Variants in PRH1 observed in about 807,000 individuals in gnomAD.
PRH1 encodes salivary acidic proline-rich phosphoprotein 1/2.
A neutral mutation model predicts 7.9 loss-of-function variants in PRH1; 7 were observed. That is an observed-to-expected ratio of 0.89 (90% CI 0.50 to 1.67). The LOEUF is 1.67. PRH1 is among the 40% of genes most tolerant of loss of function. PRH1 has a pLI of 0.00. For synonymous variants in PRH1, 45 were observed against 80.8 expected (o/e 0.56, Z 2.38); for missense variants, 109 against 223.6 (o/e 0.49, Z 3.27).
chr12:11,117,159 T>C (rs1945754297), downstream of PRH1, among the ~76,000 whole-genome samples: 1 of 152,224 alleles, frequency 6.6e-6, no homozygotes, highest in Non-Finnish European at 1.5e-5. Context: ...ATCTTATATT[T>C]GTAAAACCTG....
At chr12:11,124,690 T>A (rs2600367) in intron 1 of PRH1, among the ~76,000 whole-genome samples, 57,662 of 147,722 alleles carry the variant, frequency 0.39, 7,185 homozygotes, top group Non-Finnish European at 0.44. Context: ...AATAAATCAT[T>A]TAATAAGATA....
rs141685387 is a variant in PRH1 at position 11,156,844 on chromosome 12, ATT to A, written n.39+14576_39+14577del. Reference sequence around the variant, plus strand: ...CACACTTTGGTCAAAGAAAACACCAATTTTTTTTTTTTTTTTTTTTAGACGCA... The same window carrying A: ...CACACTTTGGTCAAAGAAAACACCAATTTTTTTTTTTTTTTTTTAGACGCA... On this transcript the variant is annotated intron_variant and non_coding_transcript_variant, in intron 1 of 1. Transcript: ENST00000541175. Among the ~76,000 whole-genome samples the A allele has an allele frequency of 1.2e-3, 161 of 139,078 alleles. 1 individual carries two copies. Among genetic ancestry groups the A allele is most frequent in the Middle Eastern group, 3.8e-3 (1 of 266 alleles). The allele number at this position is 139,078 out of a possible 152,430, so 91.2% of individuals were successfully genotyped here.
At chr12:11,050,046 A>G (rs1004287067), upstream of PRH1, among the ~76,000 whole-genome samples, 1 of 152,166 alleles carries the variant, frequency 6.6e-6, no homozygotes, top group Non-Finnish European at 1.5e-5. Flanking sequence ...ACAATGAATA[A>G]TATTTATCAA....
intron 1 of PRH1, among the ~76,000 whole-genome samples, chr12:11,038,321 A>G (rs1407257967): frequency 1.3e-5 from 2 of 152,270 alleles, no homozygotes; most frequent in African/African-American, 2.4e-5. Context: ...GCAAGAAAAA[A>G]GAATTTGCCA....
chr12:10,985,818 A>T (rs2135980509), intron 1 of PRH1: 1 of 940,668 alleles, frequency 1.1e-6, no homozygotes, highest in East Asian at 2.5e-5. Context: ...GTATGCTTTC[A>T]GAAAATACTC....
intron 1 of PRH1, among the ~76,000 whole-genome samples, chr12:11,112,560 T>G (rs896516325): frequency 6.6e-6 from 1 of 152,140 alleles, no homozygotes; most frequent in Non-Finnish European, 1.5e-5. Flanking sequence ...AACCACATGA[T>G]TATCTCAACA....
intron 1 of PRH1, among the ~76,000 whole-genome samples, chr12:11,017,091 C>T (rs1419572643): frequency 6.6e-6 from 1 of 152,276 alleles, no homozygotes; most frequent in African/African-American, 2.4e-5. Context: ...CAGAGCAGAG[C>T]TCCTGGCAGT....
chr12:10,977,531 T>TA (rs1393803092), intron 1 of PRH1, among the ~76,000 whole-genome samples: 22 of 152,060 alleles, frequency 1.4e-4, no homozygotes. Context: ...TCACCACTCT[T>TA]AATCAATTAC....
intron 1 of PRH1, chr12:10,997,792 T>G (rs780976599): frequency 1.9e-6 from 3 of 1,613,714 alleles, no homozygotes; most frequent in Non-Finnish European, 2.5e-6. Flanking sequence ...AATTTATCAG[T>G]GCTATAAAGC....
chr12:11,088,348 T>C (rs1345911667), intron 1 of PRH1, among the ~76,000 whole-genome samples: 1 of 103,800 alleles, frequency 9.6e-6, no homozygotes, highest in African/African-American at 3.3e-5. Context: ...CTCAAAATAA[T>C]AGCAATAATA....
rs187883117 is a variant in PRH1, at chr12:11,097,460, A to G, written n.124-50272T>C. Among the ~76,000 whole-genome samples the G allele has an allele frequency of 1.6e-3, 187 of 114,734 alleles. 46 individuals carry two copies. The highest frequency in any genetic ancestry group is 5.2e-3 in the African/African-American group (180 of 34,492). 75.3% of individuals were successfully genotyped at this position (114,734 alleles called of 152,430 possible). A position where few individuals can be genotyped will look rare whatever the true frequency, so the allele number is the denominator to read the frequency against. ...ATTTGCTGTATCTTTCTTATTAAGG[A>G]ATTTTATTTACACGAAAATTAAATT... On this transcript the variant is annotated intron_variant and non_coding_transcript_variant, in intron 1 of 4. Transcript: ENST00000541977.
chr12:10,971,215 A>G (rs546279315), intron 2 of PRH1, among the ~76,000 whole-genome samples: 3 of 152,282 alleles, frequency 2.0e-5, no homozygotes, highest in African/African-American at 4.8e-5. Context: ...TACTATCCAT[A>G]TTGTTGTAAT....
chr12:10,953,006 C>G (rs1193278403), intron 2 of PRH1, among the ~76,000 whole-genome samples: 1 of 152,082 alleles, frequency 6.6e-6, no homozygotes, highest in African/African-American at 2.4e-5. Context: ...GTGTCCAAAA[C>G]TAGACCCCAG....
intron 2 of PRH1, among the ~76,000 whole-genome samples, chr12:10,955,618 T>A (rs191957662): frequency 6.2e-4 from 94 of 151,096 alleles, no homozygotes; most frequent in African/African-American, 2.2e-3. Flanking sequence ...AAAAAAAACA[T>A]ACAAAAGGTC....
At chr12:10,895,930 T>C (rs1322293023) in intron 2 of PRH1, 1 of 152,226 alleles carries the variant, frequency 6.6e-6, no homozygotes, top group East Asian at 1.9e-4. Flanking sequence ...GGCTGATTGA[T>C]CCTAGCTGCA....
chr12:10,958,250 A>T (rs1012795556), intron 2 of PRH1, among the ~76,000 whole-genome samples: 2 of 152,048 alleles, frequency 1.3e-5, no homozygotes, highest in African/African-American at 4.8e-5. Flanking sequence ...AAACAAGATG[A>T]TGTAGCAATA....
chr12:11,149,804 A>C (rs1236462421), intron 1 of PRH1, among the ~76,000 whole-genome samples: 141 of 135,734 alleles, frequency 1.0e-3, no homozygotes, highest in African/African-American at 3.4e-3. Context: ...GCAACAAAAG[A>C]CAAAATTGAC....
chr12:10,930,377 T>C, intron 2 of PRH1: 1 of 1,555,698 alleles, frequency 6.4e-7, no homozygotes. Context: ...CTCCAGTGTC[T>C]TCTTATCATC....
chr12:10,892,778 T>C (rs1408173770), intron 2 of PRH1, among the ~76,000 whole-genome samples: 2 of 152,192 alleles, frequency 1.3e-5, no homozygotes, highest in Non-Finnish European at 2.9e-5. Context: ...CTCTAATTTT[T>C]AAAAATGAAG....
Sources: allele counts gnomAD v4.1 joint callset (sites outside exome capture counted in the v4.1 genomes callset), GRCh38; gene constraint gnomAD v4.1.1; transcripts MANE v1.5; gene names NCBI Gene and HGNC (gene_info 2026-07-23, HGNC 2026-07-21).